The following CNTNAP5 variants were observed in gnomAD, a reference collection of about 807,000 sequenced individuals.
CNTNAP5 encodes contactin-associated protein-like 5.
A neutral mutation model predicts 150.2 loss-of-function variants in CNTNAP5; 72 were observed. The observed-to-expected ratio is 0.48, with a 90% CI of 0.40 to 0.58. The LOEUF is 0.58. Ranked by LOEUF, CNTNAP5 falls within the 20% of genes least tolerant of loss-of-function variation. The pLI, the probability that CNTNAP5 is intolerant of heterozygous loss-of-function variation, is 0.00. For missense variants in CNTNAP5, 1,636 were observed against 1,626.2 expected, an observed-to-expected ratio of 1.01 and a Z score of -0.10; for synonymous variants, 672 against 619.8, an observed-to-expected ratio of 1.08 and a Z score of -1.25.
At chr2:124,376,548 T>C (rs1690654030) in intron 3 of CNTNAP5, among the ~76,000 whole-genome samples, 1 of 151,996 alleles carries the variant, frequency 6.6e-6, no homozygotes, top group South Asian at 2.1e-4. Context: ...ATGCTTGACA[T>C]TACTATATGT....
At chr2:124,519,173 C>T (rs559458980) in intron 8 of CNTNAP5, among the ~76,000 whole-genome samples, 1 of 151,736 alleles carries the variant, frequency 6.6e-6, no homozygotes, top group South Asian at 2.1e-4. Context: ...CGGTGGTTGG[C>T]CAGGGCTGGA....
chr2:124,284,032 A>G (rs1236701393), intron 3 of CNTNAP5, among the ~76,000 whole-genome samples: 3 of 152,024 alleles, frequency 2.0e-5, no homozygotes, highest in Non-Finnish European at 2.9e-5. Context: ...TACTTTACCT[A>G]TGTTCTCATT....
At chr2:124,443,813 C>CATGTGT (rs1230822486) in intron 5 of CNTNAP5, among the ~76,000 whole-genome samples, 2 of 143,736 alleles carry the variant, frequency 1.4e-5, no homozygotes, top group Non-Finnish European at 3.0e-5. Context: ...AATTCCTTGC[C>CATGTGT]GTGTGTGTGT....
intron 19 of CNTNAP5, among the ~76,000 whole-genome samples, chr2:124,840,862 C>G (rs962275372): frequency 1.3e-5 from 2 of 152,096 alleles, no homozygotes; most frequent in African/African-American, 4.8e-5. Flanking sequence ...TAGCAGGCTG[C>G]ATGGGGCTGA....
At chr2:124,563,558 A>G (rs561836699) in intron 11 of CNTNAP5, among the ~76,000 whole-genome samples, 1 of 152,252 alleles carries the variant, frequency 6.6e-6, no homozygotes, top group East Asian at 1.9e-4. Flanking sequence ...AAATGAGATC[A>G]TGACAGTACA....
intron 17 of CNTNAP5, among the ~76,000 whole-genome samples, chr2:124,780,488 T>C (rs906916234): frequency 1.2e-4 from 19 of 152,216 alleles, no homozygotes; most frequent in East Asian, 5.8e-4. Context: ...TGCAGGTCCT[T>C]ATAAAGGGGA....
chr2:124,079,733 G>T (rs541094783), intron 1 of CNTNAP5, among the ~76,000 whole-genome samples: 2 of 152,184 alleles, frequency 1.3e-5, no homozygotes, highest in African/African-American at 4.8e-5. Flanking sequence ...ATGTATACGT[G>T]TGTGTGTGCT....
chr2:124,575,287 T>C (rs548418565), intron 11 of CNTNAP5, among the ~76,000 whole-genome samples: 1 of 152,374 alleles, frequency 6.6e-6, no homozygotes, highest in South Asian at 2.1e-4. Context: ...CAGGGTTCTT[T>C]TAAAATATAG....
At chr2:124,247,673 G>A (rs976726602) in intron 3 of CNTNAP5, among the ~76,000 whole-genome samples, 5 of 152,148 alleles carry the variant, frequency 3.3e-5, no homozygotes, top group Non-Finnish European at 7.4e-5. Flanking sequence ...AAAGGAAGAT[G>A]TATTAAGGAC....
At chr2:124,038,950 G>T (rs1681294394) in intron 1 of CNTNAP5, among the ~76,000 whole-genome samples, 1 of 152,174 alleles carries the variant, frequency 6.6e-6, no homozygotes, top group African/African-American at 2.4e-5. Context: ...GCTTGTATTG[G>T]TCCGGGAGCT....
At chr2:124,406,706 CA>C (rs1472493567) in intron 3 of CNTNAP5, among the ~76,000 whole-genome samples, 7 of 152,130 alleles carry the variant, frequency 4.6e-5, no homozygotes, top group Non-Finnish European at 8.8e-5. Flanking sequence ...GGGAATAATT[CA>C]AATCACCTTT....
intron 3 of CNTNAP5, among the ~76,000 whole-genome samples, chr2:124,356,847 G>A (rs1391404453): frequency 2.0e-5 from 3 of 151,284 alleles, no homozygotes; most frequent in African/African-American, 4.9e-5. Flanking sequence ...GGGTCAAATG[G>A]TATTTCTAGT....
At chr2:124,481,868 C>G (rs1693768049) in intron 7 of CNTNAP5, among the ~76,000 whole-genome samples, 2 of 152,076 alleles carry the variant, frequency 1.3e-5, no homozygotes, top group Non-Finnish European at 2.9e-5. Flanking sequence ...AAATTTAAAA[C>G]AGATAACTAG....
intron 1 of CNTNAP5, among the ~76,000 whole-genome samples, chr2:124,080,877 G>C (rs1339105496): frequency 6.6e-6 from 1 of 152,124 alleles, no homozygotes; most frequent in Non-Finnish European, 1.5e-5. Flanking sequence ...AGAAGATCAA[G>C]AGAATGCTTT....
intron 3 of CNTNAP5, among the ~76,000 whole-genome samples, chr2:124,328,563 G>T (rs1033947928): frequency 3.3e-5 from 5 of 152,076 alleles, no homozygotes; most frequent in Non-Finnish European, 7.4e-5. Flanking sequence ...GCTTATAAGC[G>T]TTGTCTTTTA....
intron 11 of CNTNAP5, 86 bp from the exon 12 acceptor site, chr2:124,609,715 G>A: frequency 6.9e-7 from 1 of 1,450,192 alleles, no homozygotes; most frequent in Non-Finnish European, 9.4e-7. Flanking sequence ...TACACATAGA[G>A]CAAATCTAAG....
intron 19 of CNTNAP5, among the ~76,000 whole-genome samples, chr2:124,806,582 A>G (rs934179453): frequency 6.6e-6 from 1 of 152,086 alleles, no homozygotes. Flanking sequence ...CTCTTCAGAA[A>G]TTTTCCAATA....
At chr2:124,038,786 A>G (rs1681289678) in intron 1 of CNTNAP5, among the ~76,000 whole-genome samples, 1 of 152,170 alleles carries the variant, frequency 6.6e-6, no homozygotes, top group Non-Finnish European at 1.5e-5. Context: ...CTTATTCTTA[A>G]TTGCAGGAAT....
At chr2:124,334,838 T>C (rs577233596) in intron 3 of CNTNAP5, among the ~76,000 whole-genome samples, 1 of 152,192 alleles carries the variant, frequency 6.6e-6, no homozygotes, top group South Asian at 2.1e-4. Flanking sequence ...TTTTCAAATA[T>C]AGAAGACTTT....
Sources: gnomAD v4.1 joint callset for allele counts (sites outside exome capture counted in the v4.1 genomes callset) on GRCh38, gnomAD v4.1.1 for gene constraint, MANE v1.5 for transcripts, NCBI Gene and HGNC (gene_info 2026-07-23, HGNC 2026-07-21) for gene names.